PDE4DIP: variants seen among roughly 807,000 people sequenced by gnomAD.
PDE4DIP encodes myomegalin.
In PDE4DIP, 59 loss-of-function variants were observed where a neutral mutation model predicts 221.4. The ratio of observed to expected loss-of-function variants is 0.27; its 90% CI spans 0.22 to 0.33. The LOEUF is 0.33. PDE4DIP is among the 10% of genes least tolerant of loss of function. The pLI, the probability that PDE4DIP is intolerant of heterozygous loss-of-function variation, is 1.00. For missense variants in PDE4DIP, 1,036 were observed against 2,154.2 expected, an observed-to-expected ratio of 0.48 and a Z score of 10.28; for synonymous variants, 404 against 815.9, an observed-to-expected ratio of 0.50 and a Z score of 8.60.
intron 4 of PDE4DIP, among the ~76,000 whole-genome samples, chr1:148,937,170 G>A (rs1372511534): frequency 6.6e-6 from 1 of 152,098 alleles, no homozygotes; most frequent in East Asian, 1.9e-4. Context: ...TAGGTGATAG[G>A]AATTTTTCAG....
chr1:148,956,268 T>G (rs2055299281), intron 5 of PDE4DIP, among the ~76,000 whole-genome samples: 1 of 151,994 alleles, frequency 6.6e-6, no homozygotes, highest in Non-Finnish European at 1.5e-5. Context: ...AGCAAGATTG[T>G]TCTGTAAGGT....
exon 19 of PDE4DIP, chr1:148,978,326 C>T (rs781928446): frequency 6.8e-6 from 11 of 1,611,832 alleles, no homozygotes; most frequent in African/African-American, 4.0e-5. Flanking sequence ...AGCTATGGAA[C>T]GCCTGACCCA....
chr1:148,901,798 A>G (rs2040703438), intron 1 of PDE4DIP, among the ~76,000 whole-genome samples: 1 of 113,978 alleles, frequency 8.8e-6, no homozygotes, highest in Non-Finnish European at 1.7e-5. Flanking sequence ...TAAGTCTCAG[A>G]TCTTCTCCCT....
chr1:148,935,005 C>A (rs1177348004), intron 4 of PDE4DIP, among the ~76,000 whole-genome samples: 1 of 151,812 alleles, frequency 6.6e-6, no homozygotes, highest in Non-Finnish European at 1.5e-5. Context: ...GGGCGGATCA[C>A]GAGATTAAGA....
At chr1:148,821,341 CT>C (rs1669193701) in intron 1 of PDE4DIP, among the ~76,000 whole-genome samples, 1 of 149,156 alleles carries the variant, frequency 6.7e-6, no homozygotes, top group East Asian at 2.0e-4. Flanking sequence ...TAGCTGGAGT[CT>C]GTTCACTGAT....
At chr1:148,953,589 A>G (rs2054247730) in intron 5 of PDE4DIP, 1 of 1,608,472 alleles carries the variant, frequency 6.2e-7, no homozygotes, top group African/African-American at 1.3e-5. Flanking sequence ...GAACTTGGAA[A>G]GTGTGACTGT....
In PDE4DIP at chr1:149,012,635, G is replaced by A. The variant is rs140487163; in HGVS notation, c.5125G>A (p.Ala1709Thr). ...ACCCAAGCTGGCTAGCCTTCCTCAG[G>A]CACCATTGCCCTCAGCTCCATCCAG... The change falls in exon 32 of 44, where the codon GCA becomes ACA. Residue 1709 changes from alanine (A) to threonine (T), a missense_variant. Transcript: ENST00000369354. The A allele has an allele frequency of 1.9e-5, 30 of 1,609,810 alleles. No homozygotes were observed. In the Middle Eastern group the frequency reaches 6.6e-4, roughly 35 times the overall value.
intron 5 of PDE4DIP, among the ~76,000 whole-genome samples, chr1:148,954,774 A>G (rs2054741350): frequency 6.6e-6 from 1 of 151,944 alleles, no homozygotes; most frequent in African/African-American, 2.4e-5. Flanking sequence ...CTATAGCAAC[A>G]GTAAATGCTA....
chr1:149,023,636 G>C (rs1166881203), intron 37 of PDE4DIP, among the ~76,000 whole-genome samples: 1 of 140,086 alleles, frequency 7.1e-6, no homozygotes, highest in African/African-American at 2.6e-5. Flanking sequence ...ATGTATATGT[G>C]TGCACATATA....
chr1:148,963,831 G>GCAAGCTC (rs1172136534), intron 9 of PDE4DIP, among the ~76,000 whole-genome samples: 2 of 120,452 alleles, frequency 1.7e-5, no homozygotes, highest in Non-Finnish European at 3.2e-5. Flanking sequence ...TCGGCTCGCT[G>GCAAGCTC]CAAGCTCCGC....
At chr1:148,983,165 A>T (rs1391899043) in intron 21 of PDE4DIP, 1 of 152,110 alleles carries the variant, frequency 6.6e-6, no homozygotes, top group African/African-American at 2.4e-5. Flanking sequence ...GTAACTTTCC[A>T]TAAGTAAAGA....
At chr1:149,024,074 A>G (rs2074270543) in intron 37 of PDE4DIP, 1 of 151,414 alleles carries the variant, frequency 6.6e-6, no homozygotes, top group African/African-American at 2.4e-5. Flanking sequence ...GGACTATGAA[A>G]TCTCTTTCTT....
chr1:148,985,931 C>T (rs1343089564), intron 21 of PDE4DIP: 1 of 152,120 alleles, frequency 6.6e-6, no homozygotes, highest in Non-Finnish European at 1.5e-5. Flanking sequence ...CTTCTTTTTA[C>T]AATAATCAAA....
chr1:148,866,663 C>G (rs868941906), intron 2 of PDE4DIP: 1 of 40,904 alleles, frequency 2.4e-5, no homozygotes, highest in Non-Finnish European at 4.1e-5. Context: ...AGGAAGGAGG[C>G]AGGCAGAGAG....
intron 32 of PDE4DIP, among the ~76,000 whole-genome samples, chr1:149,013,979 G>T (rs1440789003): frequency 1.3e-5 from 2 of 151,832 alleles, no homozygotes; most frequent in Admixed American, 1.3e-4. Flanking sequence ...GTAGAGACAG[G>T]GTTTCGCCAT....
At chr1:148,943,954 A>G (rs1165379442) in intron 5 of PDE4DIP, among the ~76,000 whole-genome samples, 28 of 152,134 alleles carry the variant, frequency 1.8e-4, no homozygotes, top group Admixed American at 1.6e-3. Context: ...CTCTTTTTAT[A>G]AGGACACTAA....
At chr1:148,954,048 CTG>C (rs1487428047) in intron 5 of PDE4DIP, 1 of 665,502 alleles carries the variant, frequency 1.5e-6, no homozygotes, top group African/African-American at 1.8e-5. Context: ...ACCTTTTGCT[CTG>C]TCTCATTTAG....
chr1:149,015,601 T>G (rs2070223450), intron 32 of PDE4DIP, among the ~76,000 whole-genome samples: 1 of 152,050 alleles, frequency 6.6e-6, no homozygotes, highest in African/African-American at 2.4e-5. Flanking sequence ...TCTATGAAAG[T>G]ATCAGCCTAT....
At position 148,864,247 on chromosome 1, in the gene PDE4DIP, A is replaced by T. The variant is rs1179498785; in HGVS notation, c.289+942A>T. Among the ~76,000 whole-genome samples, 8 of 131,484 alleles carry T rather than the reference A, an allele frequency of 6.1e-5. 1 individual carries two copies. The highest frequency in any genetic ancestry group is 9.8e-5 in the African/African-American group (3 of 30,748). 86.3% of individuals were successfully genotyped at this position (131,484 alleles called of 152,430 possible). A position where few individuals can be genotyped will look rare whatever the true frequency, so the allele number is the denominator to read the frequency against. On this transcript the variant is annotated intron_variant, in intron 2 of 45. Transcript: ENST00000524974. Reference sequence around the variant, plus strand: ...ATAGAGCAGACTCAGTCTCAAAAAAAATTAAATAATAATAAAATAATAAAT... The same window carrying T: ...ATAGAGCAGACTCAGTCTCAAAAAATATTAAATAATAATAAAATAATAAAT...
Sources: allele counts gnomAD v4.1 joint callset (sites outside exome capture counted in the v4.1 genomes callset), GRCh38; gene constraint gnomAD v4.1.1; transcripts MANE v1.5; gene names NCBI Gene and HGNC (gene_info 2026-07-23, HGNC 2026-07-21).